Variants in FRMD4A observed in about 807,000 individuals in gnomAD.
FRMD4A encodes the protein FERM domain-containing protein 4A.
FRMD4A carries 29 observed loss-of-function variants against 129.1 expected under a neutral mutation model. That is an observed-to-expected ratio of 0.22 (90% confidence interval 0.17 to 0.31). FRMD4A has a LOEUF of 0.31. Ranked by LOEUF, FRMD4A falls within the 10% of genes least tolerant of loss-of-function variation. The pLI, the probability that FRMD4A is intolerant of heterozygous loss-of-function variation, is 1.00. For missense variants in FRMD4A, 1,272 were observed against 1,375.8 expected (o/e 0.92, Z 1.19); for synonymous variants, 634 against 571.6 (o/e 1.11, Z -1.56).
intron 9 of FRMD4A, among the ~76,000 whole-genome samples, chr10:13,742,826 A>G (rs2091086060): frequency 6.6e-6 from 1 of 151,852 alleles, no homozygotes; most frequent in Non-Finnish European, 1.5e-5. Flanking sequence ...CCTATTATCT[A>G]TTATCCATCA....
At chr10:13,918,114 T>G (rs1312483816) in intron 2 of FRMD4A, among the ~76,000 whole-genome samples, 1 of 152,250 alleles carries the variant, frequency 6.6e-6, no homozygotes, top group Non-Finnish European at 1.5e-5. Flanking sequence ...TTCTTCTCCT[T>G]TGTTTTCATT....
intron 2 of FRMD4A, among the ~76,000 whole-genome samples, chr10:14,169,992 G>A (rs150407173): frequency 1.3e-5 from 2 of 152,214 alleles, no homozygotes; most frequent in African/African-American, 4.8e-5. Flanking sequence ...GTACAAGCAA[G>A]GTGGAACACA....
intron 14 of FRMD4A, 97 bp from the exon 15 acceptor site, chr10:13,694,136 G>T (rs2085994214): frequency 4.2e-6 from 4 of 949,636 alleles, no homozygotes; most frequent in Non-Finnish European, 6.1e-6. Flanking sequence ...TTGACATTCC[G>T]CAAAGGGACT....
At chr10:14,013,879 C>T (rs2095689861) in intron 2 of FRMD4A, among the ~76,000 whole-genome samples, 1 of 152,084 alleles carries the variant, frequency 6.6e-6, no homozygotes, top group African/African-American at 2.4e-5. Flanking sequence ...TGCAGTGAGC[C>T]GAGATTGTGC....
intron 2 of FRMD4A, among the ~76,000 whole-genome samples, chr10:14,006,242 A>G (rs1473020465): frequency 1.3e-5 from 2 of 152,128 alleles, no homozygotes; most frequent in Non-Finnish European, 2.9e-5. Context: ...GGAAGACCCA[A>G]TGTTCCAAGG....
intron 15 of FRMD4A, among the ~76,000 whole-genome samples, chr10:13,687,184 G>T (rs1284696081): frequency 6.6e-6 from 1 of 152,262 alleles, no homozygotes; most frequent in South Asian, 2.1e-4. Context: ...AGTCCCAGCT[G>T]CTCAGGAGGC....
intron 2 of FRMD4A, among the ~76,000 whole-genome samples, chr10:13,926,313 T>G (rs1456582937): frequency 6.6e-6 from 1 of 152,122 alleles, no homozygotes; most frequent in Admixed American, 6.5e-5. Flanking sequence ...GTCCAGATAG[T>G]TGAGATTTTA....
At chr10:13,949,209 G>T (rs998793715) in intron 2 of FRMD4A, among the ~76,000 whole-genome samples, 22 of 149,018 alleles carry the variant, frequency 1.5e-4, no homozygotes, top group Admixed American at 6.8e-5. Context: ...GTAAAGGCAG[G>T]TTCTGCTATT....
At chr10:13,847,427 G>C (rs956304950) in intron 3 of FRMD4A, among the ~76,000 whole-genome samples, 2 of 152,174 alleles carry the variant, frequency 1.3e-5, no homozygotes, top group African/African-American at 2.4e-5. Flanking sequence ...TCCCCAGACC[G>C]TTCGCTTCCT....
chr10:14,202,532 C>G (rs1433718102), intron 2 of FRMD4A, among the ~76,000 whole-genome samples: 1 of 151,974 alleles, frequency 6.6e-6, no homozygotes, highest in Non-Finnish European at 1.5e-5. Context: ...CTCCCAAGTA[C>G]GGGGATTACA....
At chr10:14,191,014 GTTCCAACCAACTTTAGCCAGTTC>G (rs1468283654) in intron 2 of FRMD4A, among the ~76,000 whole-genome samples, 1 of 152,214 alleles carries the variant, frequency 6.6e-6, no homozygotes, top group Non-Finnish European at 1.5e-5. Flanking sequence ...AGCCATATTG[GTTCCAACCAACTTTAGCCAGTTC>G]TTTTATCTCA....
At chr10:14,263,235 C>T (rs1303937051) in intron 2 of FRMD4A, among the ~76,000 whole-genome samples, 1 of 152,182 alleles carries the variant, frequency 6.6e-6, no homozygotes, top group African/African-American at 2.4e-5. Context: ...TGGTTCCCTC[C>T]CCGCCAGCCC....
At chr10:14,238,238 G>C (rs1843900580) in intron 2 of FRMD4A, among the ~76,000 whole-genome samples, 1 of 152,212 alleles carries the variant, frequency 6.6e-6, no homozygotes, top group African/African-American at 2.4e-5. Context: ...AAGGTGGATA[G>C]AATTATGTTT....
chr10:13,809,827 C>G (rs762566997), intron 4 of FRMD4A, among the ~76,000 whole-genome samples: 2 of 152,226 alleles, frequency 1.3e-5, no homozygotes, highest in Non-Finnish European at 2.9e-5. Context: ...TTCAGTGTCT[C>G]AATTTGGATA....
chr10:13,893,412 G>C (rs2094722961), intron 2 of FRMD4A, among the ~76,000 whole-genome samples: 2 of 152,152 alleles, frequency 1.3e-5, no homozygotes, highest in African/African-American at 4.8e-5. Flanking sequence ...CTTGTGTTCT[G>C]AGGTCCTCAG....
chr10:13,793,043 A>G (rs569219878), intron 5 of FRMD4A, among the ~76,000 whole-genome samples: 9 of 152,352 alleles, frequency 5.9e-5, no homozygotes, highest in African/African-American at 1.9e-4. Context: ...ATTATATCAG[A>G]AGAATATATA....
At chr10:13,970,510 T>C (rs2095511454) in intron 2 of FRMD4A, among the ~76,000 whole-genome samples, 1 of 152,032 alleles carries the variant, frequency 6.6e-6, no homozygotes, top group Non-Finnish European at 1.5e-5. Context: ...CACCTAAAAA[T>C]ACAAAGGCCA....
chr10:14,004,271 G>A (rs993627989), intron 2 of FRMD4A, among the ~76,000 whole-genome samples: 27 of 152,306 alleles, frequency 1.8e-4, no homozygotes, highest in East Asian at 1.5e-3. Flanking sequence ...GACTGGGTGC[G>A]GTGGCTCACG....
intron 2 of FRMD4A, among the ~76,000 whole-genome samples, chr10:14,184,861 G>C (rs987688515): frequency 1.3e-5 from 2 of 152,140 alleles, no homozygotes; most frequent in African/African-American, 4.8e-5. Context: ...ACATCTTCGT[G>C]CATGGCCTGC....
Sources: gnomAD v4.1 joint callset for allele counts (sites outside exome capture counted in the v4.1 genomes callset) on GRCh38, gnomAD v4.1.1 for gene constraint, MANE v1.5 for transcripts, NCBI Gene and HGNC (gene_info 2026-07-23, HGNC 2026-07-21) for gene names.